ETS2: variants seen among roughly 807,000 people sequenced by gnomAD.
ETS2 encodes protein C-ets-2.
ETS2 carries 19 observed loss-of-function variants against 54.9 expected under a neutral mutation model. That is an observed-to-expected ratio of 0.35 (90% confidence interval 0.24 to 0.51). ETS2 has a LOEUF of 0.51. ETS2 is among the 20% of genes least tolerant of loss of function. The probability of loss-of-function intolerance (pLI) is 0.97; values close to 1 mark genes in which losing one functional copy is unlikely to be tolerated. For missense variants in ETS2, 417 were observed against 593.0 expected (o/e 0.70, Z 3.08); for synonymous variants, 219 against 229.3 (o/e 0.95, Z 0.41).
intron 6 of ETS2, among the ~76,000 whole-genome samples, chr21:38,817,989 C>T (rs115146137): frequency 0.017 from 2,656 of 152,306 alleles, 33 homozygotes; most frequent in Middle Eastern, 0.054. Context: ...GAGACAGGAG[C>T]GGTGTGATGA....
In ETS2 at chr21:38,823,169, C is replaced by T. The variant is rs368795899; in HGVS notation, c.*280C>T. The stretch of plus-strand genomic sequence containing the variant: ...TCCTGGCGCCTGGCAGTCCGTGGGA[C>T]GGGATGGTTCTGGCTGTTTGAGATT... On this transcript the variant is annotated 3_prime_UTR_variant, in exon 10 of 10. Coordinates refer to ENST00000360938, the MANE Select transcript of ETS2 (RefSeq NM_005239.6). 2.0e-5 allele frequency: 6 copies of T among 295,386 alleles called. No homozygotes were observed. The highest frequency in any genetic ancestry group is 6.5e-5 in the African/African-American group (3 of 46,190). The allele number at this position is 295,386 out of a possible 1,614,324, so 18.3% of individuals were successfully genotyped here. A position where few individuals can be genotyped will look rare whatever the true frequency, so the allele number is the denominator to read the frequency against.
chr21:38,816,929 A>T (rs1048686845), intron 5 of ETS2, 79 bp from the exon 6 acceptor site: 7 of 789,400 alleles, frequency 8.9e-6, no homozygotes, highest in Non-Finnish European at 1.6e-5. Flanking sequence ...ATCATCTCAC[A>T]GGAATTCAGA....
At chr21:38,820,464 A>G (rs1209377584) in intron 8 of ETS2, among the ~76,000 whole-genome samples, 1 of 152,244 alleles carries the variant, frequency 6.6e-6, no homozygotes, top group African/African-American at 2.4e-5. Context: ...ACGTAAACGT[A>G]TTAAAATACA....
intron 2 of ETS2, among the ~76,000 whole-genome samples, chr21:38,811,147 G>A (rs1269605499): frequency 2.0e-5 from 3 of 151,430 alleles, no homozygotes; most frequent in African/African-American, 7.3e-5. Flanking sequence ...GTTGAAATAG[G>A]AAGCACAGAT....
chr21:38,819,868 C>G, intron 8 of ETS2, 102 bp downstream of exon 8: 1 of 1,161,818 alleles, frequency 8.6e-7, no homozygotes, highest in East Asian at 2.6e-5. Flanking sequence ...TGTTTCTAAG[C>G]TAGGTACACC....
rs2060966529 is a variant in ETS2 at position 38,823,466 on chromosome 21, A to C, written c.*577A>C. On this transcript the variant is annotated 3_prime_UTR_variant, in exon 10 of 10. Transcript: ENST00000360938. ...TTTGAAATAAGAATTCAGACATCTGAGGTTTTATTTCATTTTTCAATAGCA... is the reference window on the plus strand; with the variant it reads ...TTTGAAATAAGAATTCAGACATCTGCGGTTTTATTTCATTTTTCAATAGCA... The C allele has an allele frequency of 6.6e-6, 1 of 152,496 alleles. No homozygotes were observed. Among genetic ancestry groups the C allele is most frequent in the South Asian group, 2.1e-4 (1 of 4,834 alleles). The allele number at this position is 152,496 out of a possible 1,614,324, so 9.4% of individuals were successfully genotyped here.
In ETS2 at chr21:38,814,406, T is replaced by C. The variant is rs752826403; in HGVS notation, c.304+14T>C. The C allele has an allele frequency of 1.9e-6, 3 of 1,613,814 alleles. No homozygotes were observed. The highest frequency in any genetic ancestry group is 2.5e-6 in the Non-Finnish European group (3 of 1,179,924). ...GCATTCCAAAGAGTAAGTACTGCTT[T>C]CCTGAGCCTGCACTGGGTGAGAAGA... On this transcript the variant is annotated intron_variant, in intron 4 of 9. Coordinates refer to ENST00000360938, the MANE Select transcript of ETS2 (RefSeq NM_005239.6). This position sits in a 1 kb window ranked among gnomAD's most constrained non-coding sequence, Gnocchi z 4.2.
intron 1 of ETS2, 48 bp from the exon 2 acceptor site, chr21:38,809,987 G>C (rs1411657735): frequency 7.2e-6 from 9 of 1,247,234 alleles, no homozygotes; most frequent in African/African-American, 3.1e-5. Context: ...GATGAGTTTA[G>C]TGTACTTAAT....
upstream of ETS2, chr21:38,805,445 G>T (rs1394505328): frequency 4.7e-6 from 6 of 1,288,404 alleles, no homozygotes; most frequent in Admixed American, 2.3e-5. The surrounding 1 kb of genome is among the most constrained non-coding windows in gnomAD (Gnocchi z 5.2). Flanking sequence ...CCAAAGGCAG[G>T]TTTGGCGTTA....
chr21:38,823,094 TCA>T lies in ETS2; in HGVS notation c.*208_*209del, dbSNP rs1409281082. On this transcript the variant is annotated 3_prime_UTR_variant, in exon 10 of 10. Coordinates refer to ENST00000360938, the MANE Select transcript of ETS2 (RefSeq NM_005239.6). ...GCAGCAACGGCACAGCTAATTCTAC[TCA>T]CAGTGCTTTTAAGTGAAAATGGTCG... 2.3e-6 allele frequency: 1 copy of T among 429,936 alleles called. No homozygotes were observed. The highest frequency in any genetic ancestry group is 4.1e-6 in the Non-Finnish European group (1 of 244,736). The allele number at this position is 429,936 out of a possible 1,614,324, so 26.6% of individuals were successfully genotyped here.
At chr21:38,819,316 A>T (rs2123422482) in intron 7 of ETS2, among the ~76,000 whole-genome samples, 187 bp from the exon 8 acceptor site, 1 of 152,308 alleles carries the variant, frequency 6.6e-6, no homozygotes, top group East Asian at 1.9e-4. Flanking sequence ...TTGATGGAAG[A>T]TAGGATTTGT....
chr21:38,806,696 G>T lies in ETS2; in HGVS notation c.-1+576G>T. 5.1e-6 allele frequency: 5 copies of T among 985,466 alleles called. No individual in the cohort carries two copies. Among genetic ancestry groups the T allele is most frequent in the Non-Finnish European group, 6.0e-6 (5 of 829,974 alleles). The allele number at this position is 985,466 out of a possible 1,614,324, so 61.0% of individuals were successfully genotyped here. A position where few individuals can be genotyped will look rare whatever the true frequency, so the allele number is the denominator to read the frequency against. The stretch of plus-strand genomic sequence containing the variant: ...CACCTGCTCGCCGCGTCCAGGGCCC[G>T]GGCTGGGGACCCCTCGGTCGTGCGA... On this transcript the variant is annotated intron_variant, in intron 1 of 9. Coordinates refer to ENST00000360938, the MANE Select transcript of ETS2 (RefSeq NM_005239.6). This position sits in a 1 kb window ranked among gnomAD's most constrained non-coding sequence, Gnocchi z 4.3.
At position 38,822,426 on chromosome 21, in the gene ETS2, A is replaced by C. The variant is rs7276961; in HGVS notation, c.1195-248A>C. Reference sequence around the variant, plus strand: ...GAACCCTTGGCTCCCAGGAGGTTTCACTGAGCTGGGGCCAGGGAGCAGGGA... The same window carrying C: ...GAACCCTTGGCTCCCAGGAGGTTTCCCTGAGCTGGGGCCAGGGAGCAGGGA... On this transcript the variant is annotated intron_variant, in intron 9 of 9. Coordinates refer to ENST00000360938, the MANE Select transcript of ETS2 (RefSeq NM_005239.6). 3.0e-4 allele frequency among the ~76,000 whole-genome samples: 45 copies of C among 152,002 alleles called. 1 individual carries two copies. In the East Asian group the frequency reaches 7.6e-3, roughly 26 times the overall value.
Position 38,814,936 on chromosome 21 carries a change from T to C in ETS2, c.460T>C (p.Phe154Leu). Residue 154 changes from phenylalanine to leucine, a missense_variant, in exon 5 of 10, where the codon TTT becomes CTT. Transcript: ENST00000360938. The surrounding 1 kb of genome is among the most constrained non-coding windows in gnomAD (Gnocchi z 4.2). Reference sequence around the variant, plus strand: ...ACGCTTTCTGGAGCTGGCACCTGACTTTGTGGGTGACATTCTCTGGGAACA... The same window carrying C: ...ACGCTTTCTGGAGCTGGCACCTGACCTTGTGGGTGACATTCTCTGGGAACA... ...KERFLELAPD[F>L]VGDILWEHLE... 6.2e-7 allele frequency: 1 copy of C among 1,614,170 alleles called. No individual in the cohort carries two copies. The highest frequency in any genetic ancestry group is 8.5e-7 in the Non-Finnish European group (1 of 1,180,024).
In ETS2 at chr21:38,822,993, T is replaced by C; in HGVS notation, c.*104T>C. On this transcript the variant is annotated 3_prime_UTR_variant, in exon 10 of 10. Coordinates refer to ENST00000360938, the MANE Select transcript of ETS2 (RefSeq NM_005239.6). ...CCCAGGAAAGGCAGGATTGAAAATG[T>C]CCAGGAAAGTGGCCAAGAAGCAGTG... is the stretch of plus-strand genomic sequence containing the variant. 1.0e-6 allele frequency: 1 copy of C among 956,014 alleles called. No homozygotes were observed. Among genetic ancestry groups the C allele is most frequent in the South Asian group, 2.0e-5 (1 of 50,382 alleles). The allele number at this position is 956,014 out of a possible 1,614,324, so 59.2% of individuals were successfully genotyped here.
chr21:38,819,859 G>A (rs897159510), intron 8 of ETS2, 93 bp downstream of exon 8: 1 of 1,303,288 alleles, frequency 7.7e-7, no homozygotes, highest in Non-Finnish European at 1.0e-6. Flanking sequence ...CACCGAGGGT[G>A]TTTCTAAGCT....
At position 38,814,636 on chromosome 21, in the gene ETS2, T is replaced by C. The variant is rs562939229; in HGVS notation, c.305-145T>C. ...GAAATGTGCCTGGGTCGTGTCAGAA[T>C]GGTGACGTGTCATCATGGTATCTTG... On this transcript the variant is annotated intron_variant, in intron 4 of 9. Transcript: ENST00000360938. This position sits in a 1 kb window ranked among gnomAD's most constrained non-coding sequence, Gnocchi z 4.2. 1.4e-5 allele frequency: 11 copies of C among 803,622 alleles called. No homozygotes were observed. The East Asian group carries it at 2.8e-4, about 21-fold the overall frequency. 49.8% of individuals were successfully genotyped at this position (803,622 alleles called of 1,614,324 possible).
Position 38,821,463 on chromosome 21 carries a change from G to A in ETS2, c.1076-123G>A. ...GAGTGCCACCCTGAGTGTAACATCGGAACCCCATTCAGAGAGTTGGGTCTG... is the reference window on the plus strand; with the variant it reads ...GAGTGCCACCCTGAGTGTAACATCGAAACCCCATTCAGAGAGTTGGGTCTG... On this transcript the variant is annotated intron_variant, in intron 8 of 9. Transcript: ENST00000360938. This position sits in a 1 kb window ranked among gnomAD's most constrained non-coding sequence, Gnocchi z 4.2. The A allele has an allele frequency of 1.3e-6, 1 of 762,902 alleles. No individual in the cohort carries two copies. Among genetic ancestry groups the A allele is most frequent in the South Asian group, 1.6e-5 (1 of 64,318 alleles). 47.3% of individuals were successfully genotyped at this position (762,902 alleles called of 1,614,324 possible). A position where few individuals can be genotyped will look rare whatever the true frequency, so the allele number is the denominator to read the frequency against.
chr21:38,818,576 C>G lies in ETS2; in HGVS notation c.741C>G (p.Val247=). 6.2e-7 allele frequency: 1 copy of G among 1,614,180 alleles called. No individual in the cohort carries two copies. Among genetic ancestry groups the G allele is most frequent in the Non-Finnish European group, 8.5e-7 (1 of 1,180,020 alleles). The change falls in exon 7 of 10, where the codon GTC becomes GTG. Residue 247 remains valine (V), a synonymous_variant. Transcript: ENST00000360938. ...TCCCCAAGTCTCGGCTCAGCTCCGT[C>G]AGCGTCACCTACTGCTCTGTCAGTC... ...QMFPKSRLSS[V]SVTYCSVSQD... is the part of the protein sequence containing the mutation.
Sources: gnomAD v4.1 joint callset for allele counts (sites outside exome capture counted in the v4.1 genomes callset) on GRCh38, gnomAD v4.1.1 for gene constraint, Gnocchi (gnomAD v3.1) non-coding constraint, MANE v1.5 for transcripts, NCBI Gene and HGNC (gene_info 2026-07-23, HGNC 2026-07-21) for gene names.